Variants in CDK16 observed in about 807,000 individuals in gnomAD.
CDK16 encodes cyclin-dependent kinase 16.
Under a neutral mutation model 41.6 loss-of-function variants are expected in CDK16, and 2 were observed. The observed-to-expected ratio is 0.05, with a 90% CI of 0.02 to 0.15. The LOEUF (loss-of-function observed/expected upper bound fraction) is 0.15, where lower values mean the gene tolerates loss of function less well. Ranked by LOEUF, CDK16 falls within the 10% of genes least tolerant of loss-of-function variation. The pLI, the probability that CDK16 is intolerant of heterozygous loss-of-function variation, is 1.00. For synonymous variants in CDK16, 169 were observed against 169.7 expected, an observed-to-expected ratio of 1.00 and a Z score of 0.03; for missense variants, 228 against 428.9, an observed-to-expected ratio of 0.53 and a Z score of 4.14.
chrX:47,218,707 TGCGCATGCGCGGAGCGCGGCGCGC>T lies in CDK16; in HGVS notation c.-401_-378del. On this transcript the variant is annotated 5_prime_UTR_variant, in exon 1 of 16. The change abolishes an upstream ATG in the 5' untranslated region. Coordinates refer to ENST00000357227, the MANE Select transcript of CDK16 (RefSeq NM_006201.5). ...CACTTCACCCTTCCGAGCGCCTGCG[TGCGCATGCGCGGAGCGCGGCGCGC>T]GCGGCGGTTGGGCCGTTGGCTGTTC... The T allele has an allele frequency of 8.6e-7, 1 of 1,164,178 alleles. No homozygotes were observed. The highest frequency in any genetic ancestry group is 3.3e-5 in the East Asian group (1 of 30,694).
chrX:47,224,285 G>C, intron 2 of CDK16, 100 bp from the exon 3 acceptor site: 1 of 943,874 alleles, frequency 1.1e-6, no homozygotes, highest in Non-Finnish European at 1.4e-6. Context: ...TGGGGGCCAC[G>C]TGCACACATG....
chrX:47,218,851 G>A lies in CDK16; in HGVS notation c.-261G>A, dbSNP rs782552877. 8.0e-6 allele frequency: 9 copies of A among 1,121,701 alleles called. No individual in the cohort carries two copies. In the East Asian group the frequency reaches 2.9e-4, roughly 37 times the overall value. 92.4% of individuals were successfully genotyped at this position (1,121,701 alleles called of 1,213,427 possible). A position where few individuals can be genotyped will look rare whatever the true frequency, so the allele number is the denominator to read the frequency against. On this transcript the variant is annotated 5_prime_UTR_variant, in exon 1 of 16. Transcript: ENST00000357227. ...TCAAGCCGGCGCCAACGAGTCCGGG[G>A]GCATCGCCCGCAGCGGCCAAGCTCA...
In CDK16 at chrX:47,228,564, T is replaced by C; in HGVS notation, c.1376-3T>C. 1 of 1,208,314 alleles carries C rather than the reference T, an allele frequency of 8.3e-7. No individual in the cohort carries two copies. The highest frequency in any genetic ancestry group is 1.1e-6 in the Non-Finnish European group (1 of 892,344). ...CCCACTTCTATGTCTCCCCCATCTG[T>C]AGCTACTTCCATATTTGCACTAAAG... On this transcript the variant is annotated splice_polypyrimidine_tract_variant and splice_region_variant and intron_variant, in intron 14 of 15. Coordinates refer to ENST00000357227, the MANE Select transcript of CDK16 (RefSeq NM_006201.5).
In CDK16 at chrX:47,229,523, C is replaced by T. The variant is rs1404720797; in HGVS notation, c.*755C>T. On this transcript the variant is annotated 3_prime_UTR_variant, in exon 16 of 16. Transcript: ENST00000357227. The stretch of plus-strand genomic sequence containing the variant: ...TACCCCCGCCCGCCATCCCCAGTTG[C>T]AGGGGGATCTGGGGACTACCAGAGA... The T allele has an allele frequency of 1.2e-5, 3 of 251,349 alleles. No homozygotes were observed. The highest frequency in any genetic ancestry group is 2.3e-5 in the Non-Finnish European group (3 of 132,100). The allele number at this position is 251,349 out of a possible 1,213,427, so 20.7% of individuals were successfully genotyped here.
chrX:47,222,836 A>C, intron 1 of CDK16: 2 of 408,158 alleles, frequency 4.9e-6, no homozygotes, highest in Non-Finnish European at 4.2e-6. Flanking sequence ...TAGGGGTCCT[A>C]ACCTGATCAA....
intron 1 of CDK16, chrX:47,222,975 T>C: frequency 4.0e-5 from 10 of 248,577 alleles, no homozygotes; most frequent in Non-Finnish European, 5.0e-5. Flanking sequence ...CCCACCTGGG[T>C]AGATGAATGG....
rs1334532938 is a variant in CDK16, at chrX:47,219,096, G to A, written c.-16G>A. 7.4e-6 allele frequency: 6 copies of A among 808,858 alleles called. No individual in the cohort carries two copies. Among genetic ancestry groups the A allele is most frequent in the Non-Finnish European group, 8.9e-6 (6 of 674,713 alleles). The allele number at this position is 808,858 out of a possible 1,213,427, so 66.7% of individuals were successfully genotyped here. On this transcript the variant is annotated 5_prime_UTR_variant, in exon 1 of 16. Transcript: ENST00000357227. Reference sequence around the variant, plus strand: ...CCCGCGGCTCTGAGGTTGCTCGCGCGCCCCCGCCGGTGAGCGCGTCCCCGA... The same window carrying A: ...CCCGCGGCTCTGAGGTTGCTCGCGCACCCCCGCCGGTGAGCGCGTCCCCGA...
rs1390591899 is a variant in CDK16, at chrX:47,229,754, G to C, written c.*986G>C. The C allele has an allele frequency of 3.2e-5, 4 of 124,725 alleles. No homozygotes were observed. The highest frequency in any genetic ancestry group is 9.6e-5 in the African/African-American group (3 of 31,102). The allele number at this position is 124,725 out of a possible 1,213,427, so 10.3% of individuals were successfully genotyped here. ...TGTGCACAAGCAGGGTTGGGGGAGG[G>C]GGGTGTGAGGGGTTGTGCCCAGGTG... On this transcript the variant is annotated 3_prime_UTR_variant, in exon 16 of 16. Coordinates refer to ENST00000357227, the MANE Select transcript of CDK16 (RefSeq NM_006201.5).
rs377467799 is a variant in CDK16, at chrX:47,228,621, G to C, written c.1430G>C (p.Arg477Pro). 163 of 1,209,095 alleles carry C rather than the reference G, an allele frequency of 1.3e-4. No homozygotes were observed. Among genetic ancestry groups the C allele is most frequent in the South Asian group, 1.1e-4 (6 of 56,817 alleles). Reference sequence around the variant, plus strand: ...CAGCTACAAAAGGAGGCCAGCCTTCGGTCTTCGTCGATGCCTGACTCAGGT... The same window carrying C: ...CAGCTACAAAAGGAGGCCAGCCTTCCGTCTTCGTCGATGCCTGACTCAGGT... ...EIQLQKEASL[R>P]SSSMPDSGRP... Residue 477 changes from arginine (R) to proline (P), a missense_variant, in exon 15 of 16, where the codon CGG becomes CCG. Transcript: ENST00000357227.
Position 47,219,235 on chromosome X carries a change from G to T in CDK16, c.-7+130G>T, listed in dbSNP as rs979391594. On this transcript the variant is annotated intron_variant, in intron 1 of 15. Coordinates refer to ENST00000357227, the MANE Select transcript of CDK16 (RefSeq NM_006201.5). ...CGGCGAATTTCCCAGAATGCACCGG[G>T]GCGGGGGGTCATTTGGGGCCTCCCT... 7.6e-6 allele frequency: 5 copies of T among 661,913 alleles called. No homozygotes were observed. In the African/African-American group the frequency reaches 9.7e-5, roughly 13 times the overall value. The allele number at this position is 661,913 out of a possible 1,213,427, so 54.5% of individuals were successfully genotyped here.
chrX:47,218,476 C>CG (rs1937171695), upstream of CDK16: 1 of 632,713 alleles, frequency 1.6e-6, no homozygotes, highest in Admixed American at 4.3e-5. Context: ...TGGTGATTGA[C>CG]GCGCCAGGTT....
chrX:47,220,163 A>G (rs187221841), intron 1 of CDK16, among the ~76,000 whole-genome samples: 74 of 110,199 alleles, frequency 6.7e-4, no homozygotes, highest in Middle Eastern at 4.6e-3. Flanking sequence ...AGGCACTTCA[A>G]TGTGTGCCAT....
At position 47,218,912 on chromosome X, in the gene CDK16, C is replaced by T; in HGVS notation, c.-200C>T. On this transcript the variant is annotated 5_prime_UTR_variant, in exon 1 of 16. Coordinates refer to ENST00000357227, the MANE Select transcript of CDK16 (RefSeq NM_006201.5). ...AGCGGGACGCCGCCTCCGCCTCAGC[C>T]ACCGCCGCCGCCGCCGCCTCCTCCT... is the stretch of plus-strand genomic sequence containing the variant. 9.5e-7 allele frequency: 1 copy of T among 1,047,308 alleles called. No individual in the cohort carries two copies. Among genetic ancestry groups the T allele is most frequent in the Non-Finnish European group, 1.2e-6 (1 of 817,463 alleles). 86.3% of individuals were successfully genotyped at this position (1,047,308 alleles called of 1,213,427 possible).
At chrX:47,218,661 C>T, upstream of CDK16, 10 of 1,168,013 alleles carry the variant, frequency 8.6e-6, no homozygotes, top group Non-Finnish European at 1.1e-5. Context: ...ACATGCAGTC[C>T]GAGGTGAGTC....
chrX:47,219,255 C>T lies in CDK16; in HGVS notation c.-7+150C>T, dbSNP rs1937226460. ...ACCGGGGCGGGGGGTCATTTGGGGC[C>T]TCCCTGACCTTGGCCCCGCCCTGGG... is the stretch of plus-strand genomic sequence containing the variant. On this transcript the variant is annotated intron_variant, in intron 1 of 15. Transcript: ENST00000357227. 5 of 583,014 alleles carry T rather than the reference C, an allele frequency of 8.6e-6. No homozygotes were observed. In the African/African-American group the frequency reaches 1.0e-4, roughly 12 times the overall value. The allele number at this position is 583,014 out of a possible 1,213,427, so 48.0% of individuals were successfully genotyped here.
chrX:47,222,990 A>T, intron 1 of CDK16: 16 of 637,024 alleles, frequency 2.5e-5, no homozygotes, highest in Non-Finnish European at 3.2e-5. Context: ...GAATGGGATG[A>T]TGCAGTGGTT....
In CDK16 at chrX:47,229,664, C is replaced by T. The variant is rs1209774756; in HGVS notation, c.*896C>T. The T allele has an allele frequency of 3.3e-5, 6 of 182,388 alleles. No individual in the cohort carries two copies. The highest frequency in any genetic ancestry group is 9.2e-5 in the African/African-American group (3 of 32,650). The allele number at this position is 182,388 out of a possible 1,213,427, so 15.0% of individuals were successfully genotyped here. ...CCAGTCCCCTTGCTCCCATCCCACT[C>T]GGTGCTGTTGGGTAGGGGCCCTGCC... On this transcript the variant is annotated 3_prime_UTR_variant, in exon 16 of 16. Coordinates refer to ENST00000357227, the MANE Select transcript of CDK16 (RefSeq NM_006201.5).
In CDK16 at chrX:47,218,931, T is replaced by G. The variant is rs782184349; in HGVS notation, c.-181T>G. The G allele has an allele frequency of 3.8e-3, 3,793 of 1,002,376 alleles. 11 individuals are homozygous for G. The highest frequency in any genetic ancestry group is 4.4e-3 in the Non-Finnish European group (3,441 of 790,327). 82.6% of individuals were successfully genotyped at this position (1,002,376 alleles called of 1,213,427 possible). On this transcript the variant is annotated 5_prime_UTR_variant, in exon 1 of 16. Transcript: ENST00000357227. Reference sequence around the variant, plus strand: ...CTCAGCCACCGCCGCCGCCGCCGCCTCCTCCTCCTCAGCCGGCGGCGGCCC... The same window carrying G: ...CTCAGCCACCGCCGCCGCCGCCGCCGCCTCCTCCTCAGCCGGCGGCGGCCC...
intron 14 of CDK16, 92 bp from the exon 15 acceptor site, chrX:47,228,475 G>C (rs2055275620): frequency 4.1e-6 from 3 of 735,198 alleles, no homozygotes; most frequent in Non-Finnish European, 6.3e-6. Context: ...AGAAGGGGCA[G>C]CTTTTTCTAA....
Sources: allele counts gnomAD v4.1 joint callset (sites outside exome capture counted in the v4.1 genomes callset), GRCh38; gene constraint gnomAD v4.1.1; transcripts MANE v1.5; gene names NCBI Gene and HGNC (gene_info 2026-07-23, HGNC 2026-07-21).